Variants in BBS1 observed in about 807,000 individuals in gnomAD.
BBS1 encodes Bardet-Biedl syndrome 1.
BBS1 carries 60 observed loss-of-function variants against 73.9 expected under a neutral mutation model. That is an observed-to-expected ratio of 0.81 (90% CI 0.66 to 1.01). The LOEUF (loss-of-function observed/expected upper bound fraction) is 1.01. BBS1 is among the 50% of genes least tolerant of loss of function. BBS1 has a pLI of 0.00. For missense variants in BBS1, 718 were observed against 770.3 expected (o/e 0.93, Z 0.80); for synonymous variants, 283 against 317.4 (o/e 0.89, Z 1.15).
intron 9 of BBS1, chr11:66,522,718 G>GTCGCC: frequency 4.4e-5 from 9 of 205,210 alleles, no homozygotes; most frequent in East Asian, 2.6e-4. Context: ...GTGGTATTAG[G>GTCGCC]GATATATTGA....
chr11:66,516,987 C>G (rs1856063183), intron 7 of BBS1, among the ~76,000 whole-genome samples: 1 of 152,080 alleles, frequency 6.6e-6, no homozygotes, highest in South Asian at 2.1e-4. Context: ...ATCACGAGGT[C>G]AGGAGATCGA....
chr11:66,531,505 AC>A, intron 15 of BBS1, 150 bp from the exon 16 acceptor site: 2 of 1,027,104 alleles, frequency 1.9e-6, no homozygotes, highest in African/African-American at 3.1e-5. Flanking sequence ...TCACTTCCCC[AC>A]CACACCTGCA....
In BBS1 at chr11:66,532,206, G is replaced by GT. The variant is rs1856816003; in HGVS notation, c.*171dup. ...CCCACTGTTGGGCCTATAGTAGCAG[G>GT]TTAGTGAGTACCTAGGGCGGCTCAA... On this transcript the variant is annotated 3_prime_UTR_variant, in exon 17 of 17. Transcript: ENST00000318312. The GT allele has an allele frequency of 1.4e-6, 1 of 705,786 alleles. No individual in the cohort carries two copies. Among genetic ancestry groups the GT allele is most frequent in the East Asian group, 2.7e-5 (1 of 36,722 alleles). 43.7% of individuals were successfully genotyped at this position (705,786 alleles called of 1,614,324 possible).
At chr11:66,510,953 A>T in intron 1 of BBS1, 60 bp from the exon 2 acceptor site, 1 of 1,582,848 alleles carries the variant, frequency 6.3e-7, no homozygotes, top group East Asian at 2.2e-5. Context: ...CAGCTTCCTC[A>T]AAGTTTTTTT....
intron 15 of BBS1, 96 bp from the exon 16 acceptor site, chr11:66,531,560 C>A: frequency 6.6e-7 from 1 of 1,523,308 alleles, no homozygotes; most frequent in East Asian, 2.3e-5. Context: ...TGCAGGGGTG[C>A]TGAGGCTCAG....
At position 66,526,762 on chromosome 11, in the gene BBS1, C is replaced by T. The variant is rs767247916; in HGVS notation, c.1294C>T (p.Arg432Trp). Residue 432 changes from arginine (R) to tryptophan (W), a missense_variant, in exon 13 of 17, where the codon CGG (arginine) becomes TGG (tryptophan). Arg to Trp is a moderately radical substitution (Grantham distance 101). Coordinates refer to ENST00000318312, the MANE Select transcript of BBS1 (RefSeq NM_024649.5). Reference sequence around the variant, plus strand: ...GAAACTCAATGTGCCCCGAAAGACCCGGCTTTACGTGGATCAGACACTGCG... The same window carrying T: ...GAAACTCAATGTGCCCCGAAAGACCTGGCTTTACGTGGATCAGACACTGCG... ...AMKLNVPRKT[R>W]LYVDQTLRER... 5.0e-6 allele frequency: 8 copies of T among 1,614,124 alleles called. No homozygotes were observed. The highest frequency in any genetic ancestry group is 1.3e-5 in the African/African-American group (1 of 74,948).
Position 66,511,311 on chromosome 11 carries a change from T to C in BBS1, c.159+72T>C, listed in dbSNP as rs949330163. The C allele has an allele frequency of 5.1e-6, 8 of 1,554,082 alleles. No homozygotes were observed. In the African/African-American group the frequency reaches 8.2e-5, roughly 16 times the overall value. ...CCCAGAAATGAGATTTCCTGACGGC[T>C]GAAAATAGGCCCAGCATACTCTGGA... On this transcript the variant is annotated intron_variant, in intron 3 of 16. Coordinates refer to ENST00000318312, the MANE Select transcript of BBS1 (RefSeq NM_024649.5).
In BBS1 at chr11:66,523,577, G is replaced by A. The variant is rs746875134; in HGVS notation, c.951+1G>A. 13 of 1,614,136 alleles carry A rather than the reference G, an allele frequency of 8.1e-6. No individual in the cohort carries two copies. The highest frequency in any genetic ancestry group is 5.5e-5 in the South Asian group (5 of 91,078). On this transcript the variant is annotated splice_donor_variant, in intron 10 of 16. Coordinates refer to ENST00000318312, the MANE Select transcript of BBS1 (RefSeq NM_024649.5). LOFTEE classifies it high-confidence loss of function. ...CAGCCTGCATGGCTTCACCCACAAG[G>A]TGCAGCCCCCAGCAAGCAGCAGCCC...
chr11:66,531,968 A>T lies in BBS1; in HGVS notation c.1713A>T (p.Glu571Asp). 6.2e-7 allele frequency: 1 copy of T among 1,601,628 alleles called. No homozygotes were observed. The highest frequency in any genetic ancestry group is 1.3e-5 in the African/African-American group (1 of 74,662). The part of the protein sequence containing the change: ...SDIIKVLVLR[E>D]GQSAPLLSAH... The stretch of plus-strand genomic sequence containing the variant: ...CTCCATAGGTGCTGGTGCTTCGAGA[A>T]GGCCAAAGTGCACCCCTGCTGAGTG... The change falls in exon 17 of 17, where the codon GAA (glutamate) becomes GAT (aspartate). Residue 571 changes from glutamate to aspartate, a missense_variant. Glu to Asp is a conservative substitution (Grantham distance 45). Transcript: ENST00000318312.
At chr11:66,517,683 G>A (rs1168924513) in intron 7 of BBS1, among the ~76,000 whole-genome samples, 1 of 151,668 alleles carries the variant, frequency 6.6e-6, no homozygotes, top group Non-Finnish European at 1.5e-5. Flanking sequence ...GGCCAGGATG[G>A]TCTCGATCTC....
chr11:66,527,924 G>T (rs1856592146), intron 13 of BBS1, among the ~76,000 whole-genome samples: 1 of 152,088 alleles, frequency 6.6e-6, no homozygotes, highest in Non-Finnish European at 1.5e-5. Flanking sequence ...GAGGCACAGG[G>T]TGTTGACCTG....
intron 3 of BBS1, among the ~76,000 whole-genome samples, chr11:66,512,006 ATATAT>A (rs1855959191): frequency 7.1e-6 from 1 of 140,460 alleles, no homozygotes; most frequent in African/African-American, 2.7e-5. Context: ...AAAAAAAAAT[ATATAT>A]ATATATATGT....
intron 8 of BBS1, chr11:66,520,665 A>G (rs990621068): frequency 6.0e-6 from 1 of 166,818 alleles, no homozygotes; most frequent in African/African-American, 2.4e-5. Flanking sequence ...CCTATTGTAC[A>G]TTTAAACTGT....
Position 66,514,493 on chromosome 11 carries a change from C to A in BBS1, c.247C>A (p.Pro83Thr). 1 of 1,614,208 alleles carries A rather than the reference C, an allele frequency of 6.2e-7. No homozygotes were observed. The highest frequency in any genetic ancestry group is 8.5e-7 in the Non-Finnish European group (1 of 1,180,042). The change falls in exon 4 of 17, where the codon CCT (proline) becomes ACT (threonine). Residue 83 changes from proline to threonine, a missense_variant. Transcript: ENST00000318312. Reference protein sequence around the residue: ...GPLVMTESPLPALPAAAATFL... With the variant: ...GPLVMTESPLTALPAAAATFL... Reference sequence around the variant, plus strand: ...ACTGGTGATGACCGAAAGCCCGCTACCTGCTCTGCCAGCTGCTGCTGCCAC... The same window carrying A: ...ACTGGTGATGACCGAAAGCCCGCTAACTGCTCTGCCAGCTGCTGCTGCCAC...
intron 9 of BBS1, 45 bp downstream of exon 9, chr11:66,521,421 A>AT (rs772547866): frequency 6.7e-7 from 1 of 1,496,646 alleles, no homozygotes; most frequent in Admixed American, 1.7e-5. Context: ...ACATCTCAGA[A>AT]AACTGGTGGC....
In BBS1 at chr11:66,529,890, C is replaced by G; in HGVS notation, c.1411C>G (p.Leu471Val). 6.2e-7 allele frequency: 1 copy of G among 1,609,308 alleles called. No individual in the cohort carries two copies. Among genetic ancestry groups the G allele is most frequent in the African/African-American group, 1.3e-5 (1 of 75,010 alleles). The change falls in exon 14 of 17, where the codon CTC becomes GTC. Residue 471 changes from leucine (L) to valine (V), a missense_variant. Coordinates refer to ENST00000318312, the MANE Select transcript of BBS1 (RefSeq NM_024649.5). ...LRAARAYLQA[L>V]ESSLSPLSTT... Reference sequence around the variant, plus strand: ...TGCTGCCCGCGCCTACCTGCAGGCCCTCGAGTCCAGCCTGAGCCCCCTGTC... The same window carrying G: ...TGCTGCCCGCGCCTACCTGCAGGCCGTCGAGTCCAGCCTGAGCCCCCTGTC...
At chr11:66,511,311 T>A in intron 3 of BBS1, 72 bp downstream of exon 3, 1 of 1,554,200 alleles carries the variant, frequency 6.4e-7, no homozygotes, top group Non-Finnish European at 8.9e-7. Flanking sequence ...TCCTGACGGC[T>A]GAAAATAGGC....
At chr11:66,531,174 A>C in intron 15 of BBS1, 146 bp downstream of exon 15, 1 of 1,180,350 alleles carries the variant, frequency 8.5e-7, no homozygotes, top group South Asian at 1.3e-5. Context: ...ACCACAGACC[A>C]GGCCAAGGCC....
At chr11:66,512,901 G>A (rs978356683) in intron 3 of BBS1, among the ~76,000 whole-genome samples, 10 of 152,054 alleles carry the variant, frequency 6.6e-5, no homozygotes, top group Non-Finnish European at 1.5e-4. Context: ...GAAACCAGAA[G>A]GCGGAGGTTG....
Sources: allele counts gnomAD v4.1 joint callset (sites outside exome capture counted in the v4.1 genomes callset), GRCh38; gene constraint gnomAD v4.1.1; transcripts MANE v1.5; gene names NCBI Gene and HGNC (gene_info 2026-07-23, HGNC 2026-07-21).